PITPNC1: variants seen among roughly 807,000 people sequenced by gnomAD.
PITPNC1 encodes the protein phosphatidylinositol transfer protein cytoplasmic 1, also known as cytoplasmic phosphatidylinositol transfer protein 1.
Under a neutral mutation model 44.7 loss-of-function variants are expected in PITPNC1, and 18 were observed. The ratio of observed to expected loss-of-function variants is 0.40; its 90% confidence interval spans 0.28 to 0.60. The LOEUF (loss-of-function observed/expected upper bound fraction) is 0.60. Among genes scored for constraint, PITPNC1 ranks in the 20% least tolerant of loss-of-function variants. The pLI is 0.39. For synonymous variants in PITPNC1, 141 were observed against 149.6 expected (o/e 0.94, Z 0.42); for missense variants, 290 against 418.4 (o/e 0.69, Z 2.68).
chr17:67,439,311 C>T (rs1026231265), intron 1 of PITPNC1, among the ~76,000 whole-genome samples: 4 of 152,148 alleles, frequency 2.6e-5, no homozygotes, highest in African/African-American at 9.7e-5. Context: ...GCTGTGTTTG[C>T]TATTGGCATG....
intron 5 of PITPNC1, among the ~76,000 whole-genome samples, chr17:67,595,843 C>T (rs1475676633): frequency 6.6e-6 from 1 of 152,122 alleles, no homozygotes; most frequent in Non-Finnish European, 1.5e-5. Flanking sequence ...GAAAATGTTT[C>T]ATCTTGTTCC....
chr17:67,414,263 G>A (rs764959948), intron 1 of PITPNC1, among the ~76,000 whole-genome samples: 5 of 152,156 alleles, frequency 3.3e-5, no homozygotes, highest in Non-Finnish European at 5.9e-5. Flanking sequence ...TGCCTGCTTT[G>A]TTTAGAATAC....
intron 1 of PITPNC1, among the ~76,000 whole-genome samples, chr17:67,424,770 G>T (rs551042209): frequency 2.0e-5 from 3 of 151,624 alleles, no homozygotes; most frequent in Non-Finnish European, 4.4e-5. Flanking sequence ...TGATCGGCTC[G>T]CTGCAACCTC....
chr17:67,381,623 C>A (rs1388640718), intron 1 of PITPNC1, among the ~76,000 whole-genome samples: 5 of 152,038 alleles, frequency 3.3e-5, no homozygotes, highest in Non-Finnish European at 5.9e-5. Flanking sequence ...CCAGCCACCG[C>A]ACCCTGCTAA....
At chr17:67,440,268 C>T (rs936841587) in intron 1 of PITPNC1, among the ~76,000 whole-genome samples, 4 of 152,184 alleles carry the variant, frequency 2.6e-5, no homozygotes, top group Admixed American at 2.0e-4. Flanking sequence ...TCTAACCCCG[C>T]ACTGGCAAAC....
chr17:67,632,713 G>A (rs1199720656), intron 6 of PITPNC1, among the ~76,000 whole-genome samples: 8 of 151,460 alleles, frequency 5.3e-5, no homozygotes, highest in East Asian at 3.9e-4. Flanking sequence ...GATTACAGGC[G>A]CCCACCACCA....
In PITPNC1 at chr17:67,530,777, C is replaced by A. The variant is rs538380783; in HGVS notation, c.49-2025C>A. On this transcript the variant is annotated intron_variant, in intron 1 of 8. Transcript: ENST00000581322. ...CACCCCCTGGGTAGTGTGTGCCCATCTGTATAAGGTGGCATATTGATCTCA... is the reference window on the plus strand; with the variant it reads ...CACCCCCTGGGTAGTGTGTGCCCATATGTATAAGGTGGCATATTGATCTCA... 2.2e-3 allele frequency among the ~76,000 whole-genome samples: 335 copies of A among 152,290 alleles called. 1 individual carries two copies. The highest frequency in any genetic ancestry group is 7.6e-3 in the African/African-American group (316 of 41,570).
chr17:67,528,729 CCA>C (rs2040422408), intron 1 of PITPNC1, among the ~76,000 whole-genome samples: 3 of 152,154 alleles, frequency 2.0e-5, no homozygotes, highest in Admixed American at 2.0e-4. Context: ...TGAAAGATTC[CCA>C]CTCTTTTCTC....
intron 1 of PITPNC1, among the ~76,000 whole-genome samples, chr17:67,397,767 C>G (rs576661145): frequency 6.6e-6 from 1 of 152,192 alleles, no homozygotes; most frequent in Non-Finnish European, 1.5e-5. Context: ...CGAATTTGGC[C>G]ATAGCTGACC....
intron 4 of PITPNC1, among the ~76,000 whole-genome samples, chr17:67,572,631 C>T (rs1337563868): frequency 6.6e-6 from 1 of 151,536 alleles, no homozygotes; most frequent in African/African-American, 2.4e-5. Flanking sequence ...GAGATACGCG[C>T]TGTGATAAAG....
intron 1 of PITPNC1, among the ~76,000 whole-genome samples, chr17:67,501,863 G>A (rs1192415903): frequency 2.6e-5 from 4 of 152,016 alleles, no homozygotes; most frequent in Non-Finnish European, 5.9e-5. Flanking sequence ...AGGGAAGTAA[G>A]CTTTCTAAAT....
At chr17:67,623,376 C>A (rs1473767394) in intron 5 of PITPNC1, among the ~76,000 whole-genome samples, 3 of 151,986 alleles carry the variant, frequency 2.0e-5, no homozygotes, top group African/African-American at 7.2e-5. Flanking sequence ...ATTTTCTTTT[C>A]TTTTCTTTTC....
intron 6 of PITPNC1, among the ~76,000 whole-genome samples, chr17:67,645,990 T>C (rs1351762673): frequency 6.6e-6 from 1 of 152,298 alleles, no homozygotes. Flanking sequence ...ACAGGCGTGG[T>C]GGCGGGTGCC....
intron 1 of PITPNC1, among the ~76,000 whole-genome samples, chr17:67,378,444 G>C (rs1390368779): frequency 1.3e-5 from 2 of 152,162 alleles, no homozygotes; most frequent in African/African-American, 4.8e-5. Context: ...CCAGAATCCA[G>C]ACTGTTGGGG....
intron 5 of PITPNC1, among the ~76,000 whole-genome samples, chr17:67,582,390 T>C (rs2041247249): frequency 6.6e-6 from 1 of 152,218 alleles, no homozygotes; most frequent in Admixed American, 6.5e-5. Flanking sequence ...GCTACCATCC[T>C]TCATACTGCT....
intron 1 of PITPNC1, among the ~76,000 whole-genome samples, chr17:67,451,731 C>T (rs1260021630): frequency 8.6e-5 from 13 of 151,668 alleles, no homozygotes; most frequent in African/African-American, 1.9e-4. Context: ...CTCCGCCTCC[C>T]GGGTTCATGC....
intron 1 of PITPNC1, among the ~76,000 whole-genome samples, chr17:67,446,909 G>A (rs908836740): frequency 6.6e-6 from 1 of 151,696 alleles, no homozygotes; most frequent in African/African-American, 2.4e-5. Context: ...GGGCAACATG[G>A]TGAAACCCCA....
intron 6 of PITPNC1, among the ~76,000 whole-genome samples, chr17:67,655,453 G>A (rs530836397): frequency 1.2e-4 from 18 of 151,512 alleles, no homozygotes; most frequent in African/African-American, 4.1e-4. Flanking sequence ...CCAGCTACTC[G>A]GGAGGCTGAG....
At chr17:67,533,558 G>A (rs183038422) in intron 2 of PITPNC1, among the ~76,000 whole-genome samples, 3 of 152,344 alleles carry the variant, frequency 2.0e-5, no homozygotes, top group Admixed American at 2.0e-4. Flanking sequence ...AGTGTTAGCT[G>A]TAGGAAAGAG....
Sources: gnomAD v4.1 joint callset for allele counts (sites outside exome capture counted in the v4.1 genomes callset) on GRCh38, gnomAD v4.1.1 for gene constraint, MANE v1.5 for transcripts, NCBI Gene and HGNC (gene_info 2026-07-23, HGNC 2026-07-21) for gene names.